SMYD3: variants seen among roughly 807,000 people sequenced by gnomAD.
SMYD3 encodes SET and MYND domain containing 3, also known as histone-lysine N-methyltransferase SMYD3.
A neutral mutation model predicts 57.7 loss-of-function variants in SMYD3; 36 were observed. The ratio of observed to expected loss-of-function variants is 0.62; its 90% CI spans 0.48 to 0.82. The LOEUF (loss-of-function observed/expected upper bound fraction) is 0.82. SMYD3 is among the 40% of genes least tolerant of loss of function. The pLI, the probability that SMYD3 is intolerant of heterozygous loss-of-function variation, is 0.00. For missense variants in SMYD3, 515 were observed against 538.8 expected, an observed-to-expected ratio of 0.96 and a Z score of 0.44; for synonymous variants, 211 against 195.0, an observed-to-expected ratio of 1.08 and a Z score of -0.68.
At chr1:246,222,293 C>T (rs1221629931) in intron 5 of SMYD3, among the ~76,000 whole-genome samples, 1 of 152,078 alleles carries the variant, frequency 6.6e-6, no homozygotes, top group African/African-American at 2.4e-5. Flanking sequence ...ATTATCATAG[C>T]TCTAAGAAAT....
chr1:246,054,504 A>C (rs1490761083), intron 5 of SMYD3, among the ~76,000 whole-genome samples: 1 of 152,230 alleles, frequency 6.6e-6, no homozygotes, highest in Non-Finnish European at 1.5e-5. Flanking sequence ...TTAATGGATA[A>C]ATAAAATGTG....
chr1:246,307,671 G>A (rs1426489628), intron 5 of SMYD3, among the ~76,000 whole-genome samples: 1 of 151,768 alleles, frequency 6.6e-6, no homozygotes, highest in Non-Finnish European at 1.5e-5. Context: ...CGCCCGCCTC[G>A]GCCTCCCAAA....
intron 5 of SMYD3, among the ~76,000 whole-genome samples, chr1:246,212,015 T>C (rs1021824086): frequency 2.6e-5 from 4 of 152,086 alleles, no homozygotes; most frequent in African/African-American, 9.7e-5. Flanking sequence ...TAAGGTGGAT[T>C]ATATCTACAA....
intron 1 of SMYD3, among the ~76,000 whole-genome samples, chr1:246,387,372 T>G (rs565873677): frequency 6.6e-6 from 1 of 152,330 alleles, no homozygotes; most frequent in Admixed American, 6.5e-5. Flanking sequence ...TGCAAAACAT[T>G]TAATGTATTA....
Position 246,000,152 on chromosome 1 carries a change from T to C in SMYD3, c.532-70215A>G, listed in dbSNP as rs79196378. Among the ~76,000 whole-genome samples the C allele has an allele frequency of 1.5e-4, 23 of 152,326 alleles. No individual in the cohort carries two copies. The East Asian group carries it at 4.4e-3, about 29-fold the overall frequency. On this transcript the variant is annotated intron_variant, in intron 5 of 11. Transcript: ENST00000490107. Reference sequence around the variant, plus strand: ...TGATGATGATAAGATATATAAATCATGCGGCTTGGGTTTTCAATGGAGGCA... The same window carrying C: ...TGATGATGATAAGATATATAAATCACGCGGCTTGGGTTTTCAATGGAGGCA...
Position 246,399,149 on chromosome 1 carries a change from G to C in SMYD3, c.165-44055C>G, listed in dbSNP as rs967645874. Among the ~76,000 whole-genome samples the C allele has an allele frequency of 9.9e-5, 15 of 152,208 alleles. No homozygotes were observed. The East Asian group carries it at 2.5e-3, about 26-fold the overall frequency. On this transcript the variant is annotated intron_variant, in intron 1 of 11. Coordinates refer to ENST00000490107, the MANE Select transcript of SMYD3 (RefSeq NM_001167740.2). ...CGATTCTCCTGCCTCAGCCTCACAA[G>C]TAGCTGGGACTACAGGCATGTGCCA... is the stretch of plus-strand genomic sequence containing the variant.
At chr1:246,143,946 C>T (rs1301356667) in intron 5 of SMYD3, among the ~76,000 whole-genome samples, 1 of 152,210 alleles carries the variant, frequency 6.6e-6, no homozygotes, top group African/African-American at 2.4e-5. Context: ...CAGCCAGGCA[C>T]TCGTTTCCTC....
chr1:246,140,024 C>T (rs932318167), intron 5 of SMYD3, among the ~76,000 whole-genome samples: 1 of 152,044 alleles, frequency 6.6e-6, no homozygotes. Context: ...ATTGGTTGAT[C>T]GAAGACAAAA....
At chr1:246,377,078 C>T (rs149889763) in intron 1 of SMYD3, among the ~76,000 whole-genome samples, 30 of 151,896 alleles carry the variant, frequency 2.0e-4, no homozygotes, top group African/African-American at 5.8e-4. Flanking sequence ...CCAGCCTGGG[C>T]GACAGAGGCT....
At chr1:246,175,091 G>C (rs7522554) in intron 5 of SMYD3, among the ~76,000 whole-genome samples, 10,811 of 152,090 alleles carry the variant, frequency 0.071, 547 homozygotes, top group African/African-American at 0.13. Flanking sequence ...AAATTATTGG[G>C]GGAAAAACTA....
intron 1 of SMYD3, among the ~76,000 whole-genome samples, chr1:246,362,752 G>C (rs927371169): frequency 2.0e-5 from 3 of 152,246 alleles, no homozygotes; most frequent in Non-Finnish European, 4.4e-5. Context: ...ACGGAGTCTC[G>C]TTCACTCAGT....
chr1:246,055,708 T>A (rs2060139921), intron 5 of SMYD3, among the ~76,000 whole-genome samples: 1 of 152,186 alleles, frequency 6.6e-6, no homozygotes, highest in Non-Finnish European at 1.5e-5. Flanking sequence ...TACTATCATA[T>A]TGGTGAACTT....
Position 246,203,956 on chromosome 1 carries a change from GGAGCCA to G in SMYD3, c.531+123239_531+123244del. ...TAGAAGTCTCAAACTCAAATATAGA[GGAGCCA>G]GGAGAATCCTAAGTGGACCGGATGG... On this transcript the variant is annotated intron_variant, in intron 5 of 11. Transcript: ENST00000490107. This position sits in a 1 kb window ranked among gnomAD's most constrained non-coding sequence, Gnocchi z 4.6. Among the ~76,000 whole-genome samples the G allele has an allele frequency of 6.6e-6, 1 of 152,258 alleles. No individual in the cohort carries two copies. The highest frequency in any genetic ancestry group is 2.4e-5 in the African/African-American group (1 of 41,560).
intron 10 of SMYD3, among the ~76,000 whole-genome samples, chr1:245,798,452 A>G (rs1248271359): frequency 2.9e-5 from 2 of 68,186 alleles, no homozygotes; most frequent in Admixed American, 1.3e-4. Flanking sequence ...ACATAAAAAT[A>G]TGCACACACA....
intron 2 of SMYD3, among the ~76,000 whole-genome samples, chr1:246,335,877 A>C (rs2065535533): frequency 1.3e-5 from 2 of 152,234 alleles, no homozygotes; most frequent in South Asian, 4.1e-4. Context: ...GTGGTTCAGA[A>C]GACTCAAAAT....
intron 10 of SMYD3, 21 bp from the exon 11 acceptor site, chr1:245,764,170 AAC>A (rs1292252120): frequency 6.4e-7 from 1 of 1,552,044 alleles, no homozygotes; most frequent in Non-Finnish European, 8.9e-7. Flanking sequence ...CCAAACGGCA[AAC>A]AGTGTCAGCA....
chr1:246,059,031 T>C (rs10924474), intron 5 of SMYD3, among the ~76,000 whole-genome samples: 37,272 of 151,798 alleles, frequency 0.25, 5,126 homozygotes, highest in East Asian at 0.39. Flanking sequence ...TCCGCCACCA[T>C]GCCCGGCTAA....
At chr1:246,351,155 C>G (rs150324206) in intron 2 of SMYD3, among the ~76,000 whole-genome samples, 1 of 152,078 alleles carries the variant, frequency 6.6e-6, no homozygotes, top group African/African-American at 2.4e-5. Flanking sequence ...CCCAAAAATA[C>G]GATTCACATT....
intron 11 of SMYD3, among the ~76,000 whole-genome samples, chr1:245,757,885 A>G (rs2045676861): frequency 6.6e-6 from 1 of 152,046 alleles, no homozygotes. Context: ...CTTCTTTTTC[A>G]AGACTGCTTT....
Sources: gnomAD v4.1 joint callset for allele counts (sites outside exome capture counted in the v4.1 genomes callset) on GRCh38, gnomAD v4.1.1 for gene constraint, Gnocchi (gnomAD v3.1) non-coding constraint, MANE v1.5 for transcripts, NCBI Gene and HGNC (gene_info 2026-07-23, HGNC 2026-07-21) for gene names.